HNRNPUL1: variants seen among roughly 807,000 people sequenced by gnomAD.
HNRNPUL1 encodes the protein heterogeneous nuclear ribonucleoprotein U-like protein 1.
In HNRNPUL1, 14 loss-of-function variants were observed where a neutral mutation model predicts 108.5. That is an observed-to-expected ratio of 0.13 (90% CI 0.09 to 0.20). The LOEUF (loss-of-function observed/expected upper bound fraction) is 0.20. Ranked by LOEUF, HNRNPUL1 falls within the 10% of genes least tolerant of loss-of-function variation. The pLI is 1.00. For synonymous variants in HNRNPUL1, 422 were observed against 445.2 expected (o/e 0.95, Z 0.66); for missense variants, 804 against 1,168.3 (o/e 0.69, Z 4.55).
intron 5 of HNRNPUL1, among the ~76,000 whole-genome samples, chr19:41,278,121 G>T (rs574789631): frequency 2.0e-5 from 3 of 152,020 alleles, no homozygotes; most frequent in South Asian, 4.1e-4. Flanking sequence ...ATACAGTGGC[G>T]CAATCTCTGC....
Position 41,281,293 on chromosome 19 carries a change from G to C in HNRNPUL1, c.999+18G>C, listed in dbSNP as rs777331612. The stretch of plus-strand genomic sequence containing the variant: ...GCTTTGCGGTGAGTGCTAGCAGCCT[G>C]TGGGAGTTGGCAGAACCAGATGTTG... On this transcript the variant is annotated intron_variant, in intron 7 of 14. Coordinates refer to ENST00000392006, the MANE Select transcript of HNRNPUL1 (RefSeq NM_007040.6). 1.1e-5 allele frequency: 17 copies of C among 1,551,538 alleles called. No homozygotes were observed. Among genetic ancestry groups the C allele is most frequent in the Admixed American group, 5.0e-5 (3 of 59,900 alleles).
intron 6 of HNRNPUL1, 93 bp downstream of exon 6, chr19:41,279,269 G>C (rs1217555591): frequency 1.2e-6 from 1 of 851,030 alleles, no homozygotes. Flanking sequence ...TCCAGCGTCA[G>C]ACTTAGAATA....
chr19:41,270,384 C>A (rs2035152281), intron 2 of HNRNPUL1, among the ~76,000 whole-genome samples: 1 of 152,050 alleles, frequency 6.6e-6, no homozygotes, highest in African/African-American at 2.4e-5. Context: ...GCCTGGGCAA[C>A]AGTAAGCCTC....
At chr19:41,305,938 A>G (rs975008106) in intron 14 of HNRNPUL1, 71 bp downstream of exon 14, 84 of 1,062,458 alleles carry the variant, frequency 7.9e-5, no homozygotes, top group African/African-American at 6.0e-4. Flanking sequence ...GTATTCCCAG[A>G]CTTAAGTCCC....
At chr19:41,266,603 C>G (rs1389372751) in intron 1 of HNRNPUL1, among the ~76,000 whole-genome samples, 1 of 152,030 alleles carries the variant, frequency 6.6e-6, no homozygotes, top group Non-Finnish European at 1.5e-5. Flanking sequence ...GGGCAGCTTT[C>G]TAGTAGGACT....
chr19:41,276,483 G>T, intron 5 of HNRNPUL1, 185 bp downstream of exon 5: 1 of 575,816 alleles, frequency 1.7e-6, no homozygotes, highest in Non-Finnish European at 2.8e-6. Flanking sequence ...TATCAGAAAA[G>T]CAGGCCAACC....
Position 41,292,285 on chromosome 19 carries a change from A to G in HNRNPUL1, c.1040A>G (p.Lys347Arg), listed in dbSNP as rs1209576911. ...AATGACGTGGAACTGTCTTTTACCA[A>G]GAATGGAAAGTGGATGGGCATTGCT... ...CGNDVELSFTKNGKWMGIAFR... is the reference protein window; with the variant it reads ...CGNDVELSFTRNGKWMGIAFR... The change falls in exon 8 of 15, where the codon AAG becomes AGG. Residue 347 changes from lysine (K) to arginine (R), a missense_variant. By Grantham distance (26) the Lys-to-Arg change is conservative (BLOSUM62 2). Around this residue, in one of 4 missense-constraint regions of HNRNPUL1, gnomAD observed 174 missense variants for 296.6 expected, o/e 0.59. Coordinates refer to ENST00000392006, the MANE Select transcript of HNRNPUL1 (RefSeq NM_007040.6). This position sits in a 1 kb window ranked among gnomAD's most constrained non-coding sequence, Gnocchi z 4.1. 6.2e-7 allele frequency: 1 copy of G among 1,614,228 alleles called. No homozygotes were observed. The highest frequency in any genetic ancestry group is 8.5e-7 in the Non-Finnish European group (1 of 1,180,034).
chr19:41,302,212 CTGTT>C (rs1350109391), intron 11 of HNRNPUL1, among the ~76,000 whole-genome samples: 1 of 104,518 alleles, frequency 9.6e-6, no homozygotes, highest in Admixed American at 9.4e-5. Context: ...CTCTCTCTCT[CTGTT>C]TTTTTTTTTT....
intron 1 of HNRNPUL1, chr19:41,265,381 CTG>C: frequency 1.3e-6 from 2 of 1,516,120 alleles, no homozygotes; most frequent in Non-Finnish European, 1.8e-6. Context: ...GCGCTGGTGT[CTG>C]TGGCTGGGGA....
intron 7 of HNRNPUL1, among the ~76,000 whole-genome samples, chr19:41,289,713 CTT>C (rs71177710): frequency 1.6e-4 from 19 of 119,884 alleles, no homozygotes; most frequent in Admixed American, 3.6e-4. Flanking sequence ...TCTCCATGGT[CTT>C]TTTTTTTTTT....
chr19:41,294,216 A>T lies in HNRNPUL1; in HGVS notation c.1267-122A>T. The T allele has an allele frequency of 9.2e-7, 1 of 1,082,878 alleles. No individual in the cohort carries two copies. Among genetic ancestry groups the T allele is most frequent in the Non-Finnish European group, 1.4e-6 (1 of 732,732 alleles). 67.1% of individuals were successfully genotyped at this position (1,082,878 alleles called of 1,614,324 possible). ...CCAGTACTGTGAGGTAGATGGTATT[A>T]CTGCTTCCGCTTTGTAGAGGCAGCC... On this transcript the variant is annotated intron_variant, in intron 8 of 14. Transcript: ENST00000392006. The surrounding 1 kb of genome is among the most constrained non-coding windows in gnomAD (Gnocchi z 4.3).
Position 41,276,250 on chromosome 19 carries a change from C to A in HNRNPUL1, c.738C>A (p.Ala246=). The change falls in exon 5 of 15, where the codon GCC becomes GCA. Residue 246 remains alanine (A), a synonymous_variant. Transcript: ENST00000392006. ...IEGFAYLWSG[A]RASYGVRRGR... ...GCTTTGCATACCTGTGGTCAGGAGC[C>A]CGTGCCAGCTATGGGGTCAGAAGGG... The A allele has an allele frequency of 6.2e-7, 1 of 1,613,308 alleles. No individual in the cohort carries two copies.
At chr19:41,275,672 A>T (rs1442661317) in intron 4 of HNRNPUL1, among the ~76,000 whole-genome samples, 6 of 152,150 alleles carry the variant, frequency 3.9e-5, no homozygotes, top group African/African-American at 1.2e-4. Context: ...AATACTGCAC[A>T]TCCTCCCTAC....
In HNRNPUL1 at chr19:41,272,227, G is replaced by A; in HGVS notation, c.564G>A (p.Glu188=). ...NRGRGYFEHR[E]DRRGRSPQPP... ...GACGGGGGTACTTTGAGCACCGAGAGGATAGGAGGTGGGTGTATGAGGCAG... is the reference window on the plus strand; with the variant it reads ...GACGGGGGTACTTTGAGCACCGAGAAGATAGGAGGTGGGTGTATGAGGCAG... The change falls in exon 3 of 15, where the codon GAG becomes GAA. Residue 188 remains glutamate, a synonymous_variant. Coordinates refer to ENST00000392006, the MANE Select transcript of HNRNPUL1 (RefSeq NM_007040.6). The A allele has an allele frequency of 6.2e-7, 1 of 1,613,582 alleles. No homozygotes were observed. The highest frequency in any genetic ancestry group is 8.5e-7 in the Non-Finnish European group (1 of 1,179,892).
At chr19:41,280,525 C>G (rs954370366) in intron 6 of HNRNPUL1, among the ~76,000 whole-genome samples, 1 of 152,110 alleles carries the variant, frequency 6.6e-6, no homozygotes, top group African/African-American at 2.4e-5. Context: ...GGAAACAGCC[C>G]AGGAGGTCAA....
chr19:41,271,791 C>G (rs140032027), intron 2 of HNRNPUL1, among the ~76,000 whole-genome samples: 73 of 152,306 alleles, frequency 4.8e-4, no homozygotes, highest in African/African-American at 1.7e-3. Context: ...ATCCTCTCCC[C>G]CTCCCTTGCC....
intron 1 of HNRNPUL1, 127 bp downstream of exon 1, chr19:41,264,925 C>A: frequency 7.5e-7 from 1 of 1,335,608 alleles, no homozygotes; most frequent in Non-Finnish European, 9.5e-7. Flanking sequence ...CGCTACCCGC[C>A]GCCGAAAAGG....
At chr19:41,288,601 C>T (rs958853407) in intron 7 of HNRNPUL1, among the ~76,000 whole-genome samples, 5 of 152,174 alleles carry the variant, frequency 3.3e-5, no homozygotes, top group African/African-American at 1.2e-4. Context: ...TTTATATTGT[C>T]TGTAGTCATT....
At chr19:41,291,995 AAAAAAAAAAAAC>A in intron 7 of HNRNPUL1, 1 of 310,564 alleles carries the variant, frequency 3.2e-6, no homozygotes, top group Admixed American at 5.2e-5. Context: ...AAAAAAAAAC[AAAAAAAAAAAAC>A]TCTTGCTTAC....
Sources: allele counts gnomAD v4.1 joint callset (sites outside exome capture counted in the v4.1 genomes callset), GRCh38; gene constraint gnomAD v4.1.1; regional missense constraint gnomAD v4.1.1; non-coding constraint Gnocchi (gnomAD v3.1); transcripts MANE v1.5; gene names NCBI Gene and HGNC (gene_info 2026-07-23, HGNC 2026-07-21).